PMPCB: variants seen among roughly 807,000 people sequenced by gnomAD.
PMPCB encodes peptidase, mitochondrial processing subunit beta.
Under a neutral mutation model 61.5 loss-of-function variants are expected in PMPCB, and 46 were observed. The observed-to-expected ratio is 0.75, with a 90% CI of 0.59 to 0.96. PMPCB has a LOEUF of 0.96. Ranked by LOEUF, PMPCB falls within the 40% of genes least tolerant of loss-of-function variation. The probability of loss-of-function intolerance (pLI) is 0.00; values close to 1 mark genes in which losing one functional copy is unlikely to be tolerated. For synonymous variants in PMPCB, 191 were observed against 201.6 expected, an observed-to-expected ratio of 0.95 and a Z score of 0.44; for missense variants, 590 against 602.4, an observed-to-expected ratio of 0.98 and a Z score of 0.22.
chr7:103,327,306 T>A (rs1259966655), intron 12 of PMPCB: 1 of 1,221,284 alleles, frequency 8.2e-7, no homozygotes, highest in East Asian at 5.4e-5. Flanking sequence ...AATCTTAGTA[T>A]TCTCATCATT....
At chr7:103,334,954 C>T in the PMPCB span, among the ~76,000 whole-genome samples, 50 of 152,208 alleles carry the variant, frequency 3.3e-4, no homozygotes, top group South Asian at 6.2e-4. Flanking sequence ...GTGCCGCAGC[C>T]GCCCAAGTAG....
At chr7:103,346,640 CT>C in the PMPCB span, among the ~76,000 whole-genome samples, 1 of 152,358 alleles carries the variant, frequency 6.6e-6, no homozygotes, top group South Asian at 2.1e-4. Context: ...AAACTGTCCA[CT>C]GGAAACCATC....
downstream of PMPCB, chr7:103,316,752 GTGC>G (rs1159255561): frequency 1.0e-5 from 12 of 1,184,052 alleles, no homozygotes; most frequent in Non-Finnish European, 1.2e-5. Flanking sequence ...GTGATAACAA[GTGC>G]TGCTATTTGG....
intron 7 of PMPCB, among the ~76,000 whole-genome samples, chr7:103,308,119 AG>A (rs1817636435): frequency 1.3e-5 from 2 of 152,040 alleles, no homozygotes. Context: ...ATGTTTTGGG[AG>A]GGGGTAGTAA....
the PMPCB span, chr7:103,335,297 A>G: frequency 2.0e-5 from 3 of 152,184 alleles, no homozygotes; most frequent in Non-Finnish European, 2.9e-5. Flanking sequence ...GCAAACAGTA[A>G]CTTTGCATTT....
At chr7:103,320,193 ATTC>A (rs991608419) in intron 12 of PMPCB, among the ~76,000 whole-genome samples, 2 of 152,006 alleles carry the variant, frequency 1.3e-5, no homozygotes, top group Non-Finnish European at 2.9e-5. Context: ...GGTTCAAGCT[ATTC>A]TTCTGCCTCA....
chr7:103,328,013 C>T (rs539469311), intron 12 of PMPCB, among the ~76,000 whole-genome samples: 5 of 152,174 alleles, frequency 3.3e-5, no homozygotes, highest in East Asian at 1.9e-4. Flanking sequence ...CTCCGCCTCC[C>T]GGGTTCAAGC....
At position 103,314,291 on chromosome 7, in the gene PMPCB, G is replaced by A. The variant is rs73412168; in HGVS notation, c.*2020G>A. 7,377 of 985,318 alleles carry A rather than the reference G, an allele frequency of 7.5e-3. 396 individuals carry two copies. In the African/African-American group the frequency reaches 0.12, roughly 16 times the overall value. The allele number at this position is 985,318 out of a possible 1,614,324, so 61.0% of individuals were successfully genotyped here. A position where few individuals can be genotyped will look rare whatever the true frequency, so the allele number is the denominator to read the frequency against. ...TTCACAATACCAAAATAAATTAAAC[G>A]TACTGTTGCAAAACTCCTATGAGAA... On this transcript the variant is annotated 3_prime_UTR_variant, in exon 13 of 13. Coordinates refer to ENST00000249269, the MANE Select transcript of PMPCB (RefSeq NM_004279.3).
At chr7:103,344,826 C>G in the PMPCB span, 2 of 607,116 alleles carry the variant, frequency 3.3e-6, no homozygotes, top group Non-Finnish European at 5.9e-6. Context: ...CCTCCCACCC[C>G]CGCCAACGTG....
At chr7:103,324,984 C>A (rs981919737) in intron 12 of PMPCB, among the ~76,000 whole-genome samples, 4 of 152,176 alleles carry the variant, frequency 2.6e-5, no homozygotes, top group Non-Finnish European at 5.9e-5. Flanking sequence ...TAATTTCCAC[C>A]TCATCACCAC....
chr7:103,322,010 T>A (rs1818446946), intron 12 of PMPCB: 1 of 1,613,888 alleles, frequency 6.2e-7, no homozygotes, highest in Non-Finnish European at 8.5e-7. Context: ...TTGCCAGCAA[T>A]GCTTGCTGTC....
chr7:103,313,881 T>C lies in PMPCB; in HGVS notation c.*1610T>C. ...GCTGATTTGGTTAAGTTAATGGACT[T>C]CTGGCAATTTAGTTATTTCAGACTA... On this transcript the variant is annotated 3_prime_UTR_variant, in exon 13 of 13. Coordinates refer to ENST00000249269, the MANE Select transcript of PMPCB (RefSeq NM_004279.3). 1 of 985,434 alleles carries C rather than the reference T, an allele frequency of 1.0e-6. No homozygotes were observed. The highest frequency in any genetic ancestry group is 1.2e-6 in the Non-Finnish European group (1 of 829,934). The allele number at this position is 985,434 out of a possible 1,614,324, so 61.0% of individuals were successfully genotyped here. A position where few individuals can be genotyped will look rare whatever the true frequency, so the allele number is the denominator to read the frequency against.
chr7:103,327,253 G>C (rs1818755520), intron 12 of PMPCB: 4 of 721,232 alleles, frequency 5.5e-6, no homozygotes, highest in South Asian at 4.9e-5. Flanking sequence ...AACATCTAAG[G>C]AACAGTTTAG....
chr7:103,303,521 T>A (rs1393299920), intron 4 of PMPCB, among the ~76,000 whole-genome samples: 1 of 152,226 alleles, frequency 6.6e-6, no homozygotes, highest in African/African-American at 2.4e-5. Flanking sequence ...TTCAGACTAA[T>A]ATATATAACT....
At chr7:103,327,562 T>G in intron 12 of PMPCB, 1 of 814,386 alleles carries the variant, frequency 1.2e-6, no homozygotes, top group Non-Finnish European at 2.0e-6. Context: ...AAAGGATAGT[T>G]GAATGAACTA....
rs1817903096 is a variant in PMPCB, at chr7:103,313,980, A to G, written c.*1709A>G. 1 of 985,442 alleles carries G rather than the reference A, an allele frequency of 1.0e-6. No individual in the cohort carries two copies. 61.0% of individuals were successfully genotyped at this position (985,442 alleles called of 1,614,324 possible). ...AAACTGCGGCCTGTGAGATCTGTTA[A>G]AAGTTAAGCCTAGAAACCAAAGTTC... On this transcript the variant is annotated 3_prime_UTR_variant, in exon 13 of 13. Coordinates refer to ENST00000249269, the MANE Select transcript of PMPCB (RefSeq NM_004279.3).
rs1009513772 is a variant in PMPCB at position 103,327,596 on chromosome 7, C to T, written c.*1432-1335C>T. On this transcript the variant is annotated intron_variant and NMD_transcript_variant, in intron 12 of 12. Transcript: ENST00000444457. Reference sequence around the variant, plus strand: ...TACAGTATGCATAAGAAACCCAATCCCAGCAATTAATAAATAACAATTACT... The same window carrying T: ...TACAGTATGCATAAGAAACCCAATCTCAGCAATTAATAAATAACAATTACT... The T allele has an allele frequency of 8.8e-6, 10 of 1,139,700 alleles. No individual in the cohort carries two copies. In the African/African-American group the frequency reaches 1.2e-4, roughly 14 times the overall value. 70.6% of individuals were successfully genotyped at this position (1,139,700 alleles called of 1,614,324 possible).
At chr7:103,339,260 T>C in the PMPCB span, among the ~76,000 whole-genome samples, 2 of 152,220 alleles carry the variant, frequency 1.3e-5, no homozygotes, top group African/African-American at 2.4e-5. Flanking sequence ...GTATCTGACA[T>C]GGTGTTTGAT....
chr7:103,342,610 AT>A, the PMPCB span, among the ~76,000 whole-genome samples: 345 of 136,338 alleles, frequency 2.5e-3, no homozygotes, highest in Middle Eastern at 7.6e-3. Context: ...CACCTGGACA[AT>A]TTTTTTTTTT....
Sources: allele counts gnomAD v4.1 joint callset (sites outside exome capture counted in the v4.1 genomes callset), GRCh38; gene constraint gnomAD v4.1.1; transcripts MANE v1.5; gene names NCBI Gene and HGNC (gene_info 2026-07-23, HGNC 2026-07-21).